The following FMNL2 variants were observed in gnomAD, a reference collection of about 807,000 sequenced individuals.
FMNL2 encodes the protein formin-like protein 2.
In FMNL2, 51 loss-of-function variants were observed where a neutral mutation model predicts 130.2. The observed-to-expected ratio is 0.39, with a 90% CI of 0.31 to 0.49. The LOEUF (loss-of-function observed/expected upper bound fraction) is 0.49, where lower values mean the gene tolerates loss of function less well. Among genes scored for constraint, FMNL2 ranks in the 20% least tolerant of loss-of-function variants. FMNL2 has a pLI of 0.85. For missense variants in FMNL2, 977 were observed against 1,316.2 expected (o/e 0.74, Z 3.99); for synonymous variants, 465 against 467.1 (o/e 1.00, Z 0.06).
At chr2:152,466,449 C>T (rs182602444) in intron 1 of FMNL2, among the ~76,000 whole-genome samples, 4 of 151,916 alleles carry the variant, frequency 2.6e-5, no homozygotes, top group Non-Finnish European at 5.9e-5. Context: ...TTCTCTTCTT[C>T]CTCCTTAACC....
intron 1 of FMNL2, among the ~76,000 whole-genome samples, chr2:152,453,811 A>G (rs1462132069): frequency 6.6e-6 from 1 of 152,246 alleles, no homozygotes; most frequent in Non-Finnish European, 1.5e-5. Flanking sequence ...CCAAGGCGTT[A>G]GAGCCTAATT....
At chr2:152,517,293 A>T (rs1338562247) in intron 1 of FMNL2, among the ~76,000 whole-genome samples, 1 of 152,144 alleles carries the variant, frequency 6.6e-6, no homozygotes, top group East Asian at 1.9e-4. Context: ...ATAAATCCTA[A>T]TTCATTAAGG....
intron 1 of FMNL2, among the ~76,000 whole-genome samples, chr2:152,455,862 G>A (rs554599965): frequency 6.6e-6 from 1 of 152,292 alleles, no homozygotes; most frequent in African/African-American, 2.4e-5. Context: ...CCAGAGGCAG[G>A]TGCCACCACA....
chr2:152,500,288 T>A lies in FMNL2; in HGVS notation c.118-21655T>A, dbSNP rs142164386. ...ATACACTTAGATTAAGAAATCAGTC[T>A]GATGTTCATTTCACAACATTCATCA... On this transcript the variant is annotated intron_variant, in intron 1 of 25. Transcript: ENST00000288670. 3.0e-4 allele frequency among the ~76,000 whole-genome samples: 45 copies of A among 152,138 alleles called. No individual in the cohort carries two copies. In the East Asian group the frequency reaches 3.7e-3, roughly 12 times the overall value.
chr2:152,385,611 GA>G (rs1434134633), intron 1 of FMNL2, among the ~76,000 whole-genome samples: 1 of 152,168 alleles, frequency 6.6e-6, no homozygotes, highest in South Asian at 2.1e-4. Context: ...TCTTGGCTGA[GA>G]AAAGGTAAGA....
chr2:152,527,089 A>G (rs1238252285), intron 2 of FMNL2, among the ~76,000 whole-genome samples: 1 of 152,162 alleles, frequency 6.6e-6, no homozygotes, highest in African/African-American at 2.4e-5. Flanking sequence ...TGTGGTGAAT[A>G]TAGTAGGCAA....
At chr2:152,611,916 T>G (rs1698704781) in intron 11 of FMNL2, among the ~76,000 whole-genome samples, 1 of 152,176 alleles carries the variant, frequency 6.6e-6, no homozygotes, top group South Asian at 2.1e-4. Context: ...ATTGCATCCT[T>G]CATCTGGGCT....
At chr2:152,401,692 G>A (rs1409250574) in intron 1 of FMNL2, among the ~76,000 whole-genome samples, 1 of 151,904 alleles carries the variant, frequency 6.6e-6, no homozygotes, top group African/African-American at 2.4e-5. Context: ...TTCAGGTTGG[G>A]GCTTTTTTCC....
At chr2:152,643,793 G>GA in intron 25 of FMNL2, 1 of 985,432 alleles carries the variant, frequency 1.0e-6, no homozygotes, top group Non-Finnish European at 1.2e-6. Context: ...GAAATTTTCA[G>GA]AAAAATAGAG....
intron 1 of FMNL2, among the ~76,000 whole-genome samples, chr2:152,395,682 G>C (rs908131908): frequency 1.3e-5 from 2 of 152,278 alleles, no homozygotes; most frequent in South Asian, 4.1e-4. Context: ...AAATCAGCAG[G>C]CTCACATGAA....
At chr2:152,360,915 T>G (rs1683130053) in intron 1 of FMNL2, among the ~76,000 whole-genome samples, 1 of 152,196 alleles carries the variant, frequency 6.6e-6, no homozygotes, top group African/African-American at 2.4e-5. Flanking sequence ...GTTTACTCTT[T>G]GGATTTGTTT....
At chr2:152,350,313 A>C (rs1433907622) in intron 1 of FMNL2, among the ~76,000 whole-genome samples, 2 of 152,192 alleles carry the variant, frequency 1.3e-5, no homozygotes, top group Admixed American at 1.3e-4. Flanking sequence ...AGACAGCTTC[A>C]GACCTTGCCC....
intron 1 of FMNL2, among the ~76,000 whole-genome samples, chr2:152,454,532 A>G (rs1380641759): frequency 1.3e-5 from 2 of 152,216 alleles, no homozygotes; most frequent in Non-Finnish European, 2.9e-5. Context: ...GATCACGGGT[A>G]GCATAGGGTG....
At chr2:152,524,872 ATATCTAGAAGGGCTGTTAGAGACCATT>A (rs1693298318) in intron 2 of FMNL2, among the ~76,000 whole-genome samples, 1 of 152,140 alleles carries the variant, frequency 6.6e-6, no homozygotes. Context: ...TAGATCATTT[ATATCTAGAAGGGCTGTTAGAGACCATT>A]TATCCCAAGC....
At chr2:152,402,717 A>G (rs1685772181) in intron 1 of FMNL2, among the ~76,000 whole-genome samples, 1 of 152,216 alleles carries the variant, frequency 6.6e-6, no homozygotes, top group South Asian at 2.1e-4. Flanking sequence ...GATGTATGGG[A>G]AAAATGAGGC....
chr2:152,503,556 G>C (rs1691979559), intron 1 of FMNL2, among the ~76,000 whole-genome samples: 1 of 152,112 alleles, frequency 6.6e-6, no homozygotes, highest in Non-Finnish European at 1.5e-5. Flanking sequence ...AAAGGAGCCT[G>C]ACTAAAGTTT....
At chr2:152,506,729 G>C (rs1403752360) in intron 1 of FMNL2, among the ~76,000 whole-genome samples, 1 of 152,056 alleles carries the variant, frequency 6.6e-6, no homozygotes. Flanking sequence ...GTGCCTCCTA[G>C]ACCAAAAGAA....
chr2:152,635,944 T>C (rs2105949251), intron 21 of FMNL2, among the ~76,000 whole-genome samples: 1 of 152,334 alleles, frequency 6.6e-6, no homozygotes, highest in Middle Eastern at 3.4e-3. Context: ...CAGTGAGCTA[T>C]GATGGAACCA....
chr2:152,562,271 T>G (rs186166324), intron 6 of FMNL2, among the ~76,000 whole-genome samples: 28 of 152,340 alleles, frequency 1.8e-4, no homozygotes, highest in African/African-American at 5.8e-4. Context: ...TTACTTACTC[T>G]TTCTAGCTTA....
Sources: gnomAD v4.1 joint callset for allele counts (sites outside exome capture counted in the v4.1 genomes callset) on GRCh38, gnomAD v4.1.1 for gene constraint, MANE v1.5 for transcripts, NCBI Gene and HGNC (gene_info 2026-07-23, HGNC 2026-07-21) for gene names.